The following MYO16 variants were observed in gnomAD, a reference collection of about 807,000 sequenced individuals.
MYO16 encodes myosin XVI.
MYO16 carries 94 observed loss-of-function variants against 205.3 expected under a neutral mutation model. The observed-to-expected ratio is 0.46, with a 90% CI of 0.39 to 0.54. The LOEUF (loss-of-function observed/expected upper bound fraction) is 0.54, where lower values mean the gene tolerates loss of function less well. Among genes scored for constraint, MYO16 ranks in the 20% least tolerant of loss-of-function variants. The pLI is 0.00. For synonymous variants in MYO16, 988 were observed against 954.0 expected (o/e 1.04, Z -0.66); for missense variants, 2,315 against 2,387.5 (o/e 0.97, Z 0.63).
At chr13:108,810,710 G>C (rs572821920) in intron 7 of MYO16, among the ~76,000 whole-genome samples, 2 of 152,196 alleles carry the variant, frequency 1.3e-5, no homozygotes, top group African/African-American at 4.8e-5. Context: ...TCTGTGTTTA[G>C]GGGAAAAAGC....
intron 4 of MYO16, among the ~76,000 whole-genome samples, chr13:108,748,926 T>C (rs760755593): frequency 6.6e-6 from 1 of 152,144 alleles, no homozygotes; most frequent in Non-Finnish European, 1.5e-5. Flanking sequence ...GATAGGTTTT[T>C]ATGTATATGC....
chr13:108,927,714 G>T (rs537777099), intron 16 of MYO16, among the ~76,000 whole-genome samples: 9 of 152,236 alleles, frequency 5.9e-5, no homozygotes, highest in Non-Finnish European at 8.8e-5. Flanking sequence ...CTGTCCTTGC[G>T]CATGCCCTGG....
intron 14 of MYO16, among the ~76,000 whole-genome samples, chr13:108,889,770 A>T (rs1880075038): frequency 6.6e-6 from 1 of 152,196 alleles, no homozygotes; most frequent in Non-Finnish European, 1.5e-5. Flanking sequence ...ACTCAGTGCC[A>T]TGGGTACACC....
the MYO16 span, among the ~76,000 whole-genome samples, chr13:108,585,849 A>G: frequency 0.012 from 1,838 of 152,284 alleles, 27 homozygotes; most frequent in African/African-American, 0.037. Context: ...TTAGTCCTCA[A>G]TTTATATGTA....
At chr13:108,799,983 T>A (rs1461988798) in intron 6 of MYO16, among the ~76,000 whole-genome samples, 3 of 152,160 alleles carry the variant, frequency 2.0e-5, no homozygotes, top group African/African-American at 7.2e-5. Flanking sequence ...TGAGTCTTTT[T>A]GTGAGAATTT....
chr13:108,698,964 C>T (rs1302241737), intron 2 of MYO16, among the ~76,000 whole-genome samples: 3 of 152,064 alleles, frequency 2.0e-5, no homozygotes, highest in Non-Finnish European at 4.4e-5. Flanking sequence ...GTGCCACAAA[C>T]AGCACTGTGA....
chr13:109,050,536 T>G (rs1887212505), intron 24 of MYO16, among the ~76,000 whole-genome samples: 1 of 152,198 alleles, frequency 6.6e-6, no homozygotes, highest in Non-Finnish European at 1.5e-5. Flanking sequence ...AGAAAGTACT[T>G]TGAAACTATG....
chr13:109,124,870 G>GC (rs972811384), intron 29 of MYO16, among the ~76,000 whole-genome samples: 3 of 152,154 alleles, frequency 2.0e-5, no homozygotes, highest in Non-Finnish European at 2.9e-5. Context: ...TCAAAGTCCA[G>GC]CTTGTGTTAC....
At chr13:108,592,851 A>G (rs1878441730), upstream of MYO16, among the ~76,000 whole-genome samples, 3 of 151,712 alleles carry the variant, frequency 2.0e-5, no homozygotes, top group East Asian at 5.8e-4. Context: ...ATTGCTTTCT[A>G]ATTAAAAAAA....
In MYO16 at chr13:108,961,595, G is replaced by A. The variant is rs749098148; in HGVS notation, c.2094G>A (p.Arg698=). 2.5e-6 allele frequency: 4 copies of A among 1,613,992 alleles called. No homozygotes were observed. In the East Asian group the frequency reaches 8.9e-5, roughly 36 times the overall value. ...LAAILHLGDI[R]FTALNEGNSA... Reference sequence around the variant, plus strand: ...CAATATTGCACCTTGGAGACATTCGGTTTACTGCCCTGAATGAGGGGAACT... The same window carrying A: ...CAATATTGCACCTTGGAGACATTCGATTTACTGCCCTGAATGAGGGGAACT... Residue 698 remains arginine (R), a synonymous_variant, in exon 18 of 35, where the codon CGG becomes CGA. Transcript: ENST00000457511.
At chr13:108,615,020 A>G (rs1205085377) in intron 1 of MYO16, among the ~76,000 whole-genome samples, 1 of 152,102 alleles carries the variant, frequency 6.6e-6, no homozygotes, top group Non-Finnish European at 1.5e-5. Context: ...TGAAAACACA[A>G]CACATAGAAT....
chr13:108,776,476 A>C (rs954758164), intron 4 of MYO16, among the ~76,000 whole-genome samples: 1 of 152,178 alleles, frequency 6.6e-6, no homozygotes, highest in Non-Finnish European at 1.5e-5. Context: ...ATGGCGGCTC[A>C]AGCTTTGCCA....
chr13:109,068,082 G>C (rs1026276532), intron 27 of MYO16, among the ~76,000 whole-genome samples: 1 of 152,026 alleles, frequency 6.6e-6, no homozygotes, highest in African/African-American at 2.4e-5. Context: ...AATAAACAGA[G>C]ATCTATTTGC....
intron 2 of MYO16, among the ~76,000 whole-genome samples, chr13:108,687,669 A>G (rs938526639): frequency 1.3e-5 from 2 of 152,248 alleles, no homozygotes; most frequent in Non-Finnish European, 2.9e-5. Context: ...TTAACCCACA[A>G]TAGAAAAATG....
At chr13:108,594,075 C>T (rs1375522622), upstream of MYO16, among the ~76,000 whole-genome samples, 1 of 152,178 alleles carries the variant, frequency 6.6e-6, no homozygotes, top group Non-Finnish European at 1.5e-5. Context: ...CACTCAAACA[C>T]GGGCTACCCA....
Position 109,100,755 on chromosome 13 carries a change from A to G in MYO16, c.3336-30A>G. 1.9e-6 allele frequency: 3 copies of G among 1,556,730 alleles called. No individual in the cohort carries two copies. The South Asian group carries it at 3.3e-5, about 17-fold the overall frequency. On this transcript the variant is annotated intron_variant, in intron 27 of 34. Coordinates refer to ENST00000457511, the MANE Select transcript of MYO16 (RefSeq NM_001198950.3). ...GATCATGTGCTTGGCAAATGCAGTC[A>G]TTGCTTTCTGTCTCTGCTGCTTTTC... is the stretch of plus-strand genomic sequence containing the variant.
At chr13:108,534,763 C>CCTT in the MYO16 span, among the ~76,000 whole-genome samples, 2 of 151,550 alleles carry the variant, frequency 1.3e-5, no homozygotes, top group African/African-American at 4.9e-5. Flanking sequence ...TCCTCCTCCT[C>CCTT]TTCTTCCTTC....
At chr13:108,528,376 G>A in the MYO16 span, among the ~76,000 whole-genome samples, 4 of 152,098 alleles carry the variant, frequency 2.6e-5, no homozygotes, top group Non-Finnish European at 4.4e-5. Context: ...GATGACAAAC[G>A]TTAGGTCTGA....
At chr13:109,129,841 ACAT>A (rs1456051062) in intron 31 of MYO16, among the ~76,000 whole-genome samples, 1 of 152,158 alleles carries the variant, frequency 6.6e-6, no homozygotes, top group African/African-American at 2.4e-5. Flanking sequence ...ATACCTTGTA[ACAT>A]CTAGAAAAAG....
Sources: gnomAD v4.1 joint callset for allele counts (sites outside exome capture counted in the v4.1 genomes callset) on GRCh38, gnomAD v4.1.1 for gene constraint, MANE v1.5 for transcripts, NCBI Gene and HGNC (gene_info 2026-07-23, HGNC 2026-07-21) for gene names.